The following LINGO2 variants were observed in gnomAD, a reference collection of about 807,000 sequenced individuals.
LINGO2 encodes leucine-rich repeat and immunoglobulin-like domain-containing nogo receptor-interacting protein 2.
Under a neutral mutation model 30.6 loss-of-function variants are expected in LINGO2, and 14 were observed. The ratio of observed to expected loss-of-function variants is 0.46; its 90% CI spans 0.30 to 0.72. The LOEUF (loss-of-function observed/expected upper bound fraction) is 0.72. Among genes scored for constraint, LINGO2 ranks in the 30% least tolerant of loss-of-function variants. The probability of loss-of-function intolerance (pLI) is 0.07; values close to 1 mark genes in which losing one functional copy is unlikely to be tolerated. For missense variants in LINGO2, 729 were observed against 751.7 expected, an observed-to-expected ratio of 0.97 and a Z score of 0.35; for synonymous variants, 317 against 288.5, an observed-to-expected ratio of 1.10 and a Z score of -1.00.
chr9:28,657,277 CCACCCAT>C (rs1361543917), intron 1 of LINGO2, among the ~76,000 whole-genome samples: 1 of 151,970 alleles, frequency 6.6e-6, no homozygotes, highest in African/African-American at 2.4e-5. Context: ...GCCATCACCA[CCACCCAT>C]CAAAAGAACT....
At chr9:28,978,556 A>G in the LINGO2 span, among the ~76,000 whole-genome samples, 1 of 152,128 alleles carries the variant, frequency 6.6e-6, no homozygotes, top group East Asian at 1.9e-4. Flanking sequence ...AAAAAATGGA[A>G]TAAGTACTTG....
intron 1 of LINGO2, among the ~76,000 whole-genome samples, chr9:28,628,073 G>GA (rs1016753970): frequency 3.3e-5 from 5 of 151,818 alleles, no homozygotes; most frequent in Non-Finnish European, 5.9e-5. Flanking sequence ...GTGGAGTTAT[G>GA]AAAAATGCAG....
chr9:28,598,569 T>A (rs1479119515), intron 1 of LINGO2: 1 of 151,246 alleles, frequency 6.6e-6, no homozygotes, highest in African/African-American at 2.4e-5. Flanking sequence ...AGCAGGGAGG[T>A]TGGGTGGGAG....
rs1822215410 is a variant in LINGO2 at position 28,550,478 on chromosome 9, T to A, written c.-364-74453A>T. Among the ~76,000 whole-genome samples, 3 of 151,994 alleles carry A rather than the reference T, an allele frequency of 2.0e-5. No individual in the cohort carries two copies. In the South Asian group the frequency reaches 6.2e-4, roughly 31 times the overall value. On this transcript the variant is annotated intron_variant, in intron 1 of 5. Coordinates refer to ENST00000379992, the Ensembl canonical transcript of LINGO2. ...ATAATTATTTCCAAGCATGCCTTCT[T>A]TTGTCTACTTTTAATTCAATACACT...
intron 4 of LINGO2, among the ~76,000 whole-genome samples, chr9:28,128,934 T>A (rs775061322): frequency 3.3e-5 from 5 of 152,182 alleles, no homozygotes; most frequent in Non-Finnish European, 7.3e-5. Flanking sequence ...TCCAATTGGC[T>A]GCAAGTGCCG....
Position 28,099,721 on chromosome 9 carries a change from C to G in LINGO2, c.-86-87316G>C, listed in dbSNP as rs189904518. 1.1e-3 allele frequency among the ~76,000 whole-genome samples: 165 copies of G among 152,206 alleles called. 2 individuals carry two copies. Among genetic ancestry groups the G allele is most frequent in the African/African-American group, 3.6e-3 (149 of 41,550 alleles). On this transcript the variant is annotated intron_variant, in intron 4 of 5. Coordinates refer to ENST00000379992, the Ensembl canonical transcript of LINGO2. ...TAACACTCTTAACACCCAAACTATC[C>G]TCATGAAATATTGATTCACACTGAT...
intron 5 of LINGO2, among the ~76,000 whole-genome samples, chr9:27,991,452 G>C (rs1021576665): frequency 2.6e-5 from 4 of 152,036 alleles, no homozygotes; most frequent in Admixed American, 6.6e-5. Context: ...AACAAAGACA[G>C]TTCAGAGGTT....
At position 28,516,912 on chromosome 9, in the gene LINGO2, A is replaced by G. The variant is rs113028109; in HGVS notation, c.-364-40887T>C. The stretch of plus-strand genomic sequence containing the variant: ...ACCCTACATTATTTTTTCTTTCTCA[A>G]ATGTTAGTGACAATGTCTATTTAGA... On this transcript the variant is annotated intron_variant, in intron 1 of 5. Coordinates refer to ENST00000379992, the Ensembl canonical transcript of LINGO2. Among the ~76,000 whole-genome samples the G allele has an allele frequency of 8.9e-3, 1,352 of 152,270 alleles. 25 individuals are homozygous for G. The highest frequency in any genetic ancestry group is 0.031 in the African/African-American group (1,303 of 41,552).
the LINGO2 span, among the ~76,000 whole-genome samples, chr9:28,929,137 A>C: frequency 1.3e-5 from 2 of 152,112 alleles, no homozygotes; most frequent in Admixed American, 1.3e-4. Context: ...GCGTTTTTCT[A>C]CCTCTGTTTC....
chr9:28,421,035 A>G (rs887254510), intron 2 of LINGO2, among the ~76,000 whole-genome samples: 1 of 152,114 alleles, frequency 6.6e-6, no homozygotes, highest in Admixed American at 6.6e-5. Flanking sequence ...GCCATTTAAT[A>G]TCTCCCAAGG....
At chr9:28,922,881 T>C in the LINGO2 span, among the ~76,000 whole-genome samples, 2 of 152,152 alleles carry the variant, frequency 1.3e-5, no homozygotes, top group Non-Finnish European at 2.9e-5. Flanking sequence ...AATCTTGAGA[T>C]GGAGAGATTA....
At chr9:29,102,025 T>A in the LINGO2 span, among the ~76,000 whole-genome samples, 1 of 152,256 alleles carries the variant, frequency 6.6e-6, no homozygotes, top group East Asian at 1.9e-4. Context: ...ATAGTTGACT[T>A]TTCAGAGATA....
chr9:29,082,573 T>A, the LINGO2 span, among the ~76,000 whole-genome samples: 1 of 151,900 alleles, frequency 6.6e-6, no homozygotes, highest in Admixed American at 6.6e-5. Flanking sequence ...AAGCCAAAAT[T>A]GAAAAATGGG....
intron 1 of LINGO2, among the ~76,000 whole-genome samples, chr9:28,576,098 C>T (rs1317818194): frequency 2.0e-5 from 3 of 152,152 alleles, no homozygotes; most frequent in Admixed American, 6.6e-5. Flanking sequence ...AACATCAAAG[C>T]TTAGCTTAGC....
intron 1 of LINGO2, among the ~76,000 whole-genome samples, chr9:28,584,282 T>C (rs951273876): frequency 6.6e-6 from 1 of 152,108 alleles, no homozygotes; most frequent in African/African-American, 2.4e-5. Flanking sequence ...TCAGTATTGT[T>C]CAATTCTTTC....
the LINGO2 span, among the ~76,000 whole-genome samples, chr9:28,796,126 A>T: frequency 6.6e-6 from 1 of 152,020 alleles, no homozygotes; most frequent in East Asian, 1.9e-4. Context: ...AAAACCCTTA[A>T]GAGAGCTGTC....
chr9:28,637,782 C>T (rs532938139), intron 1 of LINGO2, among the ~76,000 whole-genome samples: 1 of 152,268 alleles, frequency 6.6e-6, no homozygotes, highest in East Asian at 1.9e-4. Flanking sequence ...GACAATTTGA[C>T]TTCCTCTTTT....
At chr9:28,632,243 C>T (rs73443384) in intron 1 of LINGO2, among the ~76,000 whole-genome samples, 2,993 of 152,050 alleles carry the variant, frequency 0.02, 68 homozygotes, top group African/African-American at 0.039. Context: ...GAATTGCATA[C>T]GTTAAAGTGG....
chr9:29,191,689 G>A, the LINGO2 span, among the ~76,000 whole-genome samples: 1 of 152,070 alleles, frequency 6.6e-6, no homozygotes, highest in Non-Finnish European at 1.5e-5. Context: ...AATCAGGATA[G>A]CACAACTCAA....
Sources: allele counts gnomAD v4.1 joint callset (sites outside exome capture counted in the v4.1 genomes callset), GRCh38; gene constraint gnomAD v4.1.1; transcripts MANE v1.5; gene names NCBI Gene and HGNC (gene_info 2026-07-23, HGNC 2026-07-21).